FANCC: variants seen among roughly 807,000 people sequenced by gnomAD.
FANCC encodes FA complementation group C.
A neutral mutation model predicts 71.3 loss-of-function variants in FANCC; 55 were observed. The ratio of observed to expected loss-of-function variants is 0.77; its 90% CI spans 0.62 to 0.97. FANCC has a LOEUF of 0.97. Among genes scored for constraint, FANCC ranks in the 50% least tolerant of loss-of-function variants. FANCC has a pLI of 0.00. For missense variants in FANCC, 678 were observed against 670.9 expected, an observed-to-expected ratio of 1.01 and a Z score of -0.12; for synonymous variants, 275 against 244.9, an observed-to-expected ratio of 1.12 and a Z score of -1.15.
At chr9:95,236,461 G>A (rs758610947) in intron 4 of FANCC, among the ~76,000 whole-genome samples, 2 of 152,204 alleles carry the variant, frequency 1.3e-5, no homozygotes, top group East Asian at 1.9e-4. Flanking sequence ...TGTAAGAAGA[G>A]CTGTTGAGGT....
At chr9:95,224,902 G>C (rs1829518579) in intron 4 of FANCC, among the ~76,000 whole-genome samples, 1 of 152,146 alleles carries the variant, frequency 6.6e-6, no homozygotes, top group Non-Finnish European at 1.5e-5. Flanking sequence ...GTCTACCATA[G>C]AGTAAAGTAC....
intron 4 of FANCC, among the ~76,000 whole-genome samples, chr9:95,178,963 G>T (rs1826179366): frequency 6.6e-6 from 1 of 152,186 alleles, no homozygotes; most frequent in African/African-American, 2.4e-5. Context: ...TTCCAAATCT[G>T]TGGTGTTTTT....
At chr9:95,299,081 A>C (rs914106428) in intron 1 of FANCC, among the ~76,000 whole-genome samples, 2 of 152,242 alleles carry the variant, frequency 1.3e-5, no homozygotes, top group African/African-American at 4.8e-5. Context: ...CAAAAAATAC[A>C]GTTTTAGTCT....
chr9:95,314,513 G>A (rs778098743), intron 1 of FANCC, among the ~76,000 whole-genome samples: 5 of 152,028 alleles, frequency 3.3e-5, no homozygotes, highest in East Asian at 3.9e-4. Context: ...TTAGCCGGGC[G>A]TGGTGAAGGG....
At chr9:95,145,527 A>G (rs1588166975) in intron 7 of FANCC, 2 of 152,238 alleles carry the variant, frequency 1.3e-5, no homozygotes, top group African/African-American at 4.8e-5. Flanking sequence ...AACTAGAAAA[A>G]TTGGTTTCAA....
intron 1 of FANCC, among the ~76,000 whole-genome samples, chr9:95,289,967 T>C (rs1306384320): frequency 1.3e-5 from 2 of 152,216 alleles, no homozygotes; most frequent in Non-Finnish European, 2.9e-5. Context: ...CCACACGTTT[T>C]AGAATAGAAA....
chr9:95,214,311 A>G (rs1359531362), intron 4 of FANCC, among the ~76,000 whole-genome samples: 2 of 152,158 alleles, frequency 1.3e-5, no homozygotes, highest in South Asian at 4.1e-4. Flanking sequence ...GCATGCCTGT[A>G]GTCCCAGCTA....
chr9:95,109,101 G>A (rs954787691), intron 13 of FANCC, among the ~76,000 whole-genome samples: 6 of 152,006 alleles, frequency 3.9e-5, no homozygotes, highest in African/African-American at 1.2e-4. Context: ...TTTTTGTAGA[G>A]ACAGGGGTCT....
intron 4 of FANCC, among the ~76,000 whole-genome samples, chr9:95,218,555 T>C (rs1287242293): frequency 6.6e-6 from 1 of 152,088 alleles, no homozygotes; most frequent in African/African-American, 2.4e-5. Flanking sequence ...AACATAGACA[T>C]AAAAACCCTT....
intron 1 of FANCC, among the ~76,000 whole-genome samples, chr9:95,314,629 G>A (rs1835629327): frequency 6.6e-6 from 1 of 151,606 alleles, no homozygotes; most frequent in Admixed American, 6.6e-5. Flanking sequence ...TCCAGTCTGG[G>A]CAAACAGAGC....
At chr9:95,307,330 A>T (rs960918492) in intron 1 of FANCC, among the ~76,000 whole-genome samples, 18 of 152,094 alleles carry the variant, frequency 1.2e-4, no homozygotes, top group African/African-American at 4.1e-4. Context: ...AAATCAAAAG[A>T]AGTAGTTAAC....
At chr9:95,126,634 AAACTTGCTATT>A in intron 8 of FANCC, 53 bp from the exon 9 acceptor site, 1 of 1,576,578 alleles carries the variant, frequency 6.3e-7, no homozygotes, top group South Asian at 1.1e-5. Flanking sequence ...ACTTTCTCAG[AAACTTGCTATT>A]ATCAGCCAAA....
At chr9:95,302,584 T>A (rs1834814282) in intron 1 of FANCC, among the ~76,000 whole-genome samples, 1 of 152,224 alleles carries the variant, frequency 6.6e-6, no homozygotes, top group Non-Finnish European at 1.5e-5. Flanking sequence ...TAGGCCGCTT[T>A]CAGTGACCTG....
At chr9:95,164,589 T>G (rs1830954262) in intron 6 of FANCC, among the ~76,000 whole-genome samples, 1 of 152,212 alleles carries the variant, frequency 6.6e-6, no homozygotes, top group Non-Finnish European at 1.5e-5. Context: ...TTTATTAATG[T>G]GGTGCAATAT....
At chr9:95,177,789 T>C (rs1826106832) in intron 4 of FANCC, among the ~76,000 whole-genome samples, 1 of 152,326 alleles carries the variant, frequency 6.6e-6, no homozygotes, top group African/African-American at 2.4e-5. Context: ...CCCCGCTCTC[T>C]GGCTGCCAAG....
chr9:95,178,254 C>T (rs1826133953), intron 4 of FANCC, among the ~76,000 whole-genome samples: 1 of 152,184 alleles, frequency 6.6e-6, no homozygotes, highest in Admixed American at 6.5e-5. Context: ...CTCCTGCCTC[C>T]CTGGAACAGA....
At chr9:95,306,975 GCGATCCT>G (rs1302194403) in intron 1 of FANCC, among the ~76,000 whole-genome samples, 3 of 152,120 alleles carry the variant, frequency 2.0e-5, no homozygotes, top group Non-Finnish European at 4.4e-5. Flanking sequence ...CCAGGCTCAA[GCGATCCT>G]CCCACTTCAG....
At chr9:95,111,435 A>G (rs778298670) in intron 13 of FANCC, 28 bp downstream of exon 13, 2 of 1,605,986 alleles carry the variant, frequency 1.2e-6, no homozygotes, top group Non-Finnish European at 8.5e-7. Flanking sequence ...GCCCACCCCA[A>G]ACACATGCAG....
intron 4 of FANCC, among the ~76,000 whole-genome samples, chr9:95,191,282 C>T (rs1276449091): frequency 1.3e-5 from 2 of 150,270 alleles, no homozygotes; most frequent in South Asian, 2.1e-4. Context: ...CTCACAAGGC[C>T]CAGCCCAGCC....
Sources: gnomAD v4.1 joint callset for allele counts (sites outside exome capture counted in the v4.1 genomes callset) on GRCh38, gnomAD v4.1.1 for gene constraint, MANE v1.5 for transcripts, NCBI Gene and HGNC (gene_info 2026-07-23, HGNC 2026-07-21) for gene names.